UCKL1: variants seen among roughly 807,000 people sequenced by gnomAD.
UCKL1 encodes uridine-cytidine kinase 1 like 1.
In UCKL1, 65 loss-of-function variants were observed where a neutral mutation model predicts 59.2. The observed-to-expected ratio is 1.10, with a 90% CI of 0.90 to 1.35. The LOEUF is 1.35. Ranked by LOEUF, UCKL1 falls within the 40% of genes most tolerant of loss-of-function variation. The probability of loss-of-function intolerance (pLI) is 0.00; values close to 1 mark genes in which losing one functional copy is unlikely to be tolerated. For missense variants in UCKL1, 703 were observed against 784.3 expected (o/e 0.90, Z 1.24); for synonymous variants, 410 against 323.1 (o/e 1.27, Z -2.88).
intron 7 of UCKL1, 71 bp downstream of exon 7, chr20:63,944,326 G>A: frequency 7.1e-7 from 1 of 1,416,084 alleles, no homozygotes; most frequent in South Asian, 1.3e-5. Context: ...CAGGCCACTG[G>A]GGGTGGTGGC....
At chr20:63,947,953 C>T (rs1049943050) in intron 1 of UCKL1, among the ~76,000 whole-genome samples, 14 of 152,164 alleles carry the variant, frequency 9.2e-5, no homozygotes, top group African/African-American at 2.9e-4. Flanking sequence ...CTGGGAGGGG[C>T]AGCCTCTGGG....
Position 63,939,938 on chromosome 20 carries a change from G to C in UCKL1, c.*38C>G. The C allele has an allele frequency of 6.3e-7, 1 of 1,580,854 alleles. No homozygotes were observed. Among genetic ancestry groups the C allele is most frequent in the East Asian group, 2.2e-5 (1 of 44,666 alleles). ...TTCAGCAGTCCTGGGTCAGGAGGCAGGAGGAGGGTGGTGGGGACGGGATGG... is the reference window on the plus strand; with the variant it reads ...TTCAGCAGTCCTGGGTCAGGAGGCACGAGGAGGGTGGTGGGGACGGGATGG... On this transcript the variant is annotated 3_prime_UTR_variant, in exon 15 of 15. Transcript: ENST00000354216.
chr20:63,944,620 T>G lies in UCKL1; in HGVS notation c.769A>C (p.Asn257His). 6.2e-7 allele frequency: 1 copy of G among 1,613,200 alleles called. No homozygotes were observed. Among genetic ancestry groups the G allele is most frequent in the Non-Finnish European group, 8.5e-7 (1 of 1,179,930 alleles). The change falls in exon 6 of 15, where the codon AAC becomes CAC. Residue 257 changes from asparagine to histidine, a missense_variant. By Grantham distance (68) the Asn-to-His change is moderately conservative. This residue lies in a region of UCKL1 where 398 missense variants were observed against 373.0 expected (regional missense o/e 1.07). Coordinates refer to ENST00000354216, the MANE Select transcript of UCKL1 (RefSeq NM_017859.4). ...RDIEGVIKQY[N>H]KFVKPSFDQY... ...TCGAAGGAGGGCTTGACAAACTTGT[T>G]GTACTGCTTGATGACACCCTCGATG...
At position 63,939,942 on chromosome 20, in the gene UCKL1, G is replaced by A. The variant is rs1437672735; in HGVS notation, c.*34C>T. ...GCAGTCCTGGGTCAGGAGGCAGGAG[G>A]AGGGTGGTGGGGACGGGATGGCTCA... On this transcript the variant is annotated 3_prime_UTR_variant, in exon 15 of 15. Coordinates refer to ENST00000354216, the MANE Select transcript of UCKL1 (RefSeq NM_017859.4). 6.9e-6 allele frequency: 11 copies of A among 1,591,504 alleles called. No homozygotes were observed. The highest frequency in any genetic ancestry group is 9.5e-6 in the Non-Finnish European group (11 of 1,161,144).
intron 3 of UCKL1, 60 bp downstream of exon 3, chr20:63,946,101 G>A: frequency 6.2e-7 from 1 of 1,606,934 alleles, no homozygotes; most frequent in Non-Finnish European, 8.5e-7. Flanking sequence ...TACTTTTGCA[G>A]GGGGTCCAGG....
At chr20:63,942,619 G>T (rs2054904768) in intron 8 of UCKL1, 1 of 626,328 alleles carries the variant, frequency 1.6e-6, no homozygotes, top group Non-Finnish European at 2.6e-6. Flanking sequence ...GGCCTGAGGA[G>T]GAGTGTGGGC....
chr20:63,940,774 AG>A lies in UCKL1; in HGVS notation c.1179+19del. The A allele has an allele frequency of 6.3e-7, 1 of 1,599,336 alleles. No homozygotes were observed. Among genetic ancestry groups the A allele is most frequent in the Non-Finnish European group, 8.5e-7 (1 of 1,174,180 alleles). ...CGCCCCAGCAGCCTGTCCCGCGCCC[AG>A]GTGTGCCCAGGCAGGTACCTGCTTC... On this transcript the variant is annotated intron_variant, in intron 11 of 14. Transcript: ENST00000354216.
intron 14 of UCKL1, 43 bp from the exon 15 acceptor site, chr20:63,940,098 A>G: frequency 6.2e-7 from 1 of 1,608,334 alleles, no homozygotes; most frequent in Non-Finnish European, 8.5e-7. Context: ...GGGGCCTCCC[A>G]GGGCCACCCA....
At chr20:63,952,534 A>G (rs944107606) in intron 1 of UCKL1, among the ~76,000 whole-genome samples, 3 of 152,130 alleles carry the variant, frequency 2.0e-5, no homozygotes, top group Admixed American at 2.0e-4. Context: ...GGGGAGGGGT[A>G]GCCTGCCCTG....
At chr20:63,948,555 G>GTA in intron 1 of UCKL1, 1 of 50,352 alleles carries the variant, frequency 2.0e-5, no homozygotes, top group African/African-American at 8.8e-5. Flanking sequence ...GTGTGAGGAG[G>GTA]GAGGCGTGTG....
At position 63,940,734 on chromosome 20, in the gene UCKL1, T is replaced by A; in HGVS notation, c.1180-18A>T. On this transcript the variant is annotated intron_variant, in intron 11 of 14. Coordinates refer to ENST00000354216, the MANE Select transcript of UCKL1 (RefSeq NM_017859.4). ...CCGGTGATCTGCGGGGAGGGGAGGCTAAGCGCCCACATCCCGCCCCAGCAG... is the reference window on the plus strand; with the variant it reads ...CCGGTGATCTGCGGGGAGGGGAGGCAAAGCGCCCACATCCCGCCCCAGCAG... 8 of 1,607,162 alleles carry A rather than the reference T, an allele frequency of 5.0e-6. No individual in the cohort carries two copies. Among genetic ancestry groups the A allele is most frequent in the Non-Finnish European group, 5.9e-6 (7 of 1,178,216 alleles).
At position 63,955,911 on chromosome 20, in the gene UCKL1, G is replaced by A. The variant is rs1218578047; in HGVS notation, c.113+349C>T. On this transcript the variant is annotated intron_variant, in intron 1 of 14. Transcript: ENST00000354216. ...CGGGTCGGGCAGGGCCACACCCCGA[G>A]CCGACAACATAGACCAACTCGCACA... 1.4e-4 allele frequency: 26 copies of A among 182,916 alleles called. No homozygotes were observed. The East Asian group carries it at 2.8e-3, about 20-fold the overall frequency. The allele number at this position is 182,916 out of a possible 1,614,324, so 11.3% of individuals were successfully genotyped here.
chr20:63,939,878 A>C lies in UCKL1; in HGVS notation c.*98T>G. 5 of 998,408 alleles carry C rather than the reference A, an allele frequency of 5.0e-6. No homozygotes were observed. The highest frequency in any genetic ancestry group is 7.5e-6 in the Non-Finnish European group (5 of 666,988). The allele number at this position is 998,408 out of a possible 1,614,324, so 61.8% of individuals were successfully genotyped here. On this transcript the variant is annotated 3_prime_UTR_variant, in exon 15 of 15. Transcript: ENST00000354216. ...TTTTATAAAATGCATAGAATAAATT[A>C]TACTAGTAACATTTTAAAAATTAAC...
At chr20:63,949,223 T>G (rs973511031) in intron 1 of UCKL1, among the ~76,000 whole-genome samples, 1 of 151,606 alleles carries the variant, frequency 6.6e-6, no homozygotes, top group African/African-American at 2.4e-5. Flanking sequence ...TGGAGCTGAG[T>G]GGTGACGTCA....
chr20:63,944,988 G>C (rs914320179), intron 5 of UCKL1, among the ~76,000 whole-genome samples: 2 of 152,242 alleles, frequency 1.3e-5, no homozygotes, highest in Non-Finnish European at 2.9e-5. Flanking sequence ...TGGGGATGCG[G>C]TGCTGCCCGT....
Position 63,945,755 on chromosome 20 carries a change from C to T in UCKL1, c.583-33G>A, listed in dbSNP as rs373681748. ...GAAACCCAGGAGTTGCGGAGCCTGGCTCATGTGCCTGCAGCCCCCCGAGGC... is the reference window on the plus strand; with the variant it reads ...GAAACCCAGGAGTTGCGGAGCCTGGTTCATGTGCCTGCAGCCCCCCGAGGC... On this transcript the variant is annotated intron_variant, in intron 4 of 14. Transcript: ENST00000354216. The T allele has an allele frequency of 3.7e-6, 6 of 1,612,680 alleles. No homozygotes were observed. In the African/African-American group the frequency reaches 5.3e-5, roughly 14 times the overall value.
intron 7 of UCKL1, 61 bp from the exon 8 acceptor site, chr20:63,943,730 G>A (rs1212608812): frequency 2.7e-5 from 43 of 1,609,942 alleles, no homozygotes; most frequent in Middle Eastern, 1.7e-4. Flanking sequence ...CAGGGCAGGC[G>A]GCCAGGCCAC....
rs765640103 is a variant in UCKL1, at chr20:63,940,075, G to A, written c.1568-20C>T. 3.8e-6 allele frequency: 6 copies of A among 1,562,870 alleles called. No homozygotes were observed. The African/African-American group carries it at 4.1e-5, about 11-fold the overall frequency. On this transcript the variant is annotated intron_variant, in intron 14 of 14. Transcript: ENST00000354216. ...AGTTCCCTGGAAAAAGGGGGGGGGG[G>A]GTCCAGTGTGGTGGGGCCTCCCAGG...
At chr20:63,942,508 G>GC in intron 8 of UCKL1, 1 of 1,173,550 alleles carries the variant, frequency 8.5e-7, no homozygotes, top group Non-Finnish European at 1.1e-6. Context: ...CAGGTGAAGA[G>GC]CATGTTCAGG....
Sources: allele counts gnomAD v4.1 joint callset (sites outside exome capture counted in the v4.1 genomes callset), GRCh38; gene constraint gnomAD v4.1.1; regional missense constraint gnomAD v4.1.1; transcripts MANE v1.5; gene names NCBI Gene and HGNC (gene_info 2026-07-23, HGNC 2026-07-21).